SGCG: variants seen among roughly 807,000 people sequenced by gnomAD.
SGCG encodes gamma-sarcoglycan.
A neutral mutation model predicts 29.3 loss-of-function variants in SGCG; 26 were observed. The observed-to-expected ratio is 0.89, with a 90% confidence interval of 0.65 to 1.23. SGCG has a LOEUF of 1.23. SGCG is among the 50% of genes most tolerant of loss of function. The pLI is 0.00. For synonymous variants in SGCG, 145 were observed against 129.7 expected (o/e 1.12, Z -0.80); for missense variants, 353 against 356.0 (o/e 0.99, Z 0.07).
chr13:23,221,066 A>T (rs1878639337), intron 2 of SGCG, among the ~76,000 whole-genome samples: 1 of 152,196 alleles, frequency 6.6e-6, no homozygotes, highest in African/African-American at 2.4e-5. Context: ...ATGTGTAAGC[A>T]TTCATGCATG....
At chr13:23,166,220 G>A in the SGCG span, among the ~76,000 whole-genome samples, 63 of 150,896 alleles carry the variant, frequency 4.2e-4, no homozygotes, top group Middle Eastern at 3.4e-3. Context: ...CTAGTTTACC[G>A]AGAGTTTTGT....
At chr13:23,304,194 G>C (rs1427971769) in intron 6 of SGCG, among the ~76,000 whole-genome samples, 1 of 151,920 alleles carries the variant, frequency 6.6e-6, no homozygotes, top group East Asian at 1.9e-4. Context: ...GTTGGTTTTT[G>C]ACTTATTGTA....
intron 1 of SGCG, among the ~76,000 whole-genome samples, chr13:23,189,535 A>C (rs149829396): frequency 1.9e-3 from 285 of 152,338 alleles, no homozygotes; most frequent in African/African-American, 6.6e-3. Context: ...ATTTCTGTAG[A>C]TATGACCAAC....
At chr13:23,225,780 T>TACACTCACACACAC (rs1555237081) in intron 2 of SGCG, among the ~76,000 whole-genome samples, 4 of 148,546 alleles carry the variant, frequency 2.7e-5, no homozygotes, top group African/African-American at 1.0e-4. Flanking sequence ...GGACATGTCA[T>TACACTCACACACAC]ACACACACAC....
intron 3 of SGCG, among the ~76,000 whole-genome samples, chr13:23,236,327 C>T (rs7997631): frequency 0.095 from 14,438 of 152,144 alleles, 839 homozygotes; most frequent in East Asian, 0.19. Flanking sequence ...TAGAATGGTC[C>T]AGTGACTGAA....
intron 4 of SGCG, among the ~76,000 whole-genome samples, chr13:23,269,760 C>G (rs1436009715): frequency 6.6e-6 from 1 of 151,842 alleles, no homozygotes; most frequent in African/African-American, 2.4e-5. Flanking sequence ...CAGCTATTCA[C>G]CCATATATAT....
At chr13:23,202,098 A>G (rs1293176706) in intron 1 of SGCG, among the ~76,000 whole-genome samples, 1 of 152,216 alleles carries the variant, frequency 6.6e-6, no homozygotes, top group Non-Finnish European at 1.5e-5. Context: ...TCTGTTGAAG[A>G]GTATCTACTC....
intron 6 of SGCG, among the ~76,000 whole-genome samples, chr13:23,302,792 G>A (rs549483562): frequency 6.6e-6 from 1 of 152,116 alleles, no homozygotes; most frequent in South Asian, 2.1e-4. Flanking sequence ...AATAAATATA[G>A]CTTATTAATA....
At chr13:23,167,939 G>T in the SGCG span, among the ~76,000 whole-genome samples, 1 of 152,104 alleles carries the variant, frequency 6.6e-6, no homozygotes, top group African/African-American at 2.4e-5. Flanking sequence ...CACCATGTTT[G>T]TTGGCCAGTC....
chr13:23,214,999 A>C (rs565719631), intron 2 of SGCG, among the ~76,000 whole-genome samples: 2 of 152,332 alleles, frequency 1.3e-5, no homozygotes, highest in African/African-American at 4.8e-5. Context: ...GTGTCTAAAG[A>C]TACAAATAGC....
chr13:23,259,488 A>G (rs1362655781), intron 4 of SGCG, among the ~76,000 whole-genome samples: 1 of 152,080 alleles, frequency 6.6e-6, no homozygotes, highest in African/African-American at 2.4e-5. Context: ...CTTTTCAAAA[A>G]AACCAGCTCC....
chr13:23,251,641 T>C (rs923233374), intron 4 of SGCG, among the ~76,000 whole-genome samples: 1 of 152,022 alleles, frequency 6.6e-6, no homozygotes, highest in African/African-American at 2.4e-5. Context: ...GGTGTGGTGG[T>C]GCACGTCTGT....
intron 4 of SGCG, among the ~76,000 whole-genome samples, chr13:23,269,504 A>G (rs1284269090): frequency 6.6e-6 from 1 of 152,166 alleles, no homozygotes; most frequent in African/African-American, 2.4e-5. Flanking sequence ...CCCTCTCAGT[A>G]GCCAGTCTTT....
the SGCG span, among the ~76,000 whole-genome samples, chr13:23,171,888 A>G: frequency 6.6e-6 from 1 of 152,188 alleles, no homozygotes; most frequent in East Asian, 1.9e-4. Flanking sequence ...GTATCGGTTC[A>G]TGGCCTGGGG....
chr13:23,294,877 C>A (rs1881844137), intron 5 of SGCG, among the ~76,000 whole-genome samples: 1 of 152,190 alleles, frequency 6.6e-6, no homozygotes, highest in East Asian at 1.9e-4. Flanking sequence ...TTCTGCACCC[C>A]AGCTGACACA....
At chr13:23,211,745 C>T (rs149848251) in intron 2 of SGCG, among the ~76,000 whole-genome samples, 1,808 of 152,290 alleles carry the variant, frequency 0.012, 37 homozygotes, top group African/African-American at 0.041. Flanking sequence ...TCCTGTTGCT[C>T]ATTGGCTTTC....
chr13:23,214,646 G>A (rs1399623253), intron 2 of SGCG, among the ~76,000 whole-genome samples: 3 of 152,108 alleles, frequency 2.0e-5, no homozygotes, highest in Admixed American at 1.3e-4. Flanking sequence ...CTCCATCCCT[G>A]CCTTAATGAT....
chr13:23,285,197 A>AGCT (rs1374217016), intron 5 of SGCG, among the ~76,000 whole-genome samples: 1 of 152,194 alleles, frequency 6.6e-6, no homozygotes, highest in Non-Finnish European at 1.5e-5. Context: ...AGTCTGCTGA[A>AGCT]GCTGCACCCA....
intron 4 of SGCG, among the ~76,000 whole-genome samples, chr13:23,266,661 A>G (rs974431324): frequency 1.3e-5 from 2 of 152,224 alleles, no homozygotes; most frequent in Admixed American, 6.5e-5. Context: ...CTATACACAC[A>G]TAACCAAAAA....
Sources: allele counts gnomAD v4.1 joint callset (sites outside exome capture counted in the v4.1 genomes callset), GRCh38; gene constraint gnomAD v4.1.1; transcripts MANE v1.5; gene names NCBI Gene and HGNC (gene_info 2026-07-23, HGNC 2026-07-21).